PCIF1: variants seen among roughly 807,000 people sequenced by gnomAD.
PCIF1 encodes the protein phosphorylated CTD interacting factor 1.
Under a neutral mutation model 86.9 loss-of-function variants are expected in PCIF1, and 12 were observed. The ratio of observed to expected loss-of-function variants is 0.14; its 90% CI spans 0.09 to 0.22. The LOEUF (loss-of-function observed/expected upper bound fraction) is 0.22. Ranked by LOEUF, PCIF1 falls within the 10% of genes least tolerant of loss-of-function variation. The pLI is 1.00. For synonymous variants in PCIF1, 397 were observed against 372.0 expected, an observed-to-expected ratio of 1.07 and a Z score of -0.77; for missense variants, 701 against 951.1, an observed-to-expected ratio of 0.74 and a Z score of 3.46.
Position 45,940,627 on chromosome 20 carries a change from C to T in PCIF1, c.387+15C>T. On this transcript the variant is annotated intron_variant, in intron 5 of 16. Coordinates refer to ENST00000372409, the MANE Select transcript of PCIF1 (RefSeq NM_022104.4). Reference sequence around the variant, plus strand: ...AGAAGCCCAAGGTGAGTGTCTGTGGCCAGGAGCCGGCTGCCGAGCGGCCGG... The same window carrying T: ...AGAAGCCCAAGGTGAGTGTCTGTGGTCAGGAGCCGGCTGCCGAGCGGCCGG... 6.3e-7 allele frequency: 1 copy of T among 1,596,380 alleles called. No individual in the cohort carries two copies. Among genetic ancestry groups the T allele is most frequent in the Non-Finnish European group, 8.5e-7 (1 of 1,172,188 alleles).
chr20:45,935,058 C>T (rs1413633131), intron 1 of PCIF1, among the ~76,000 whole-genome samples: 2 of 151,870 alleles, frequency 1.3e-5, no homozygotes, highest in African/African-American at 2.4e-5. Context: ...GCCTTTGTGT[C>T]GGGCTCCGAC....
Position 45,940,840 on chromosome 20 carries a change from C to T in PCIF1, c.419C>T (p.Ser140Leu), listed in dbSNP as rs761620079. ...ATCCCAGTGACACCCACAGGCCAGT[C>T]GGTGCCCAGCTCCCCCAGTATCCCA... ...IEIPVTPTGQ[S>L]VPSSPSIPGT... The change falls in exon 6 of 17, where the codon TCG becomes TTG. Residue 140 changes from serine to leucine, a missense_variant. Physicochemically the swap from Ser to Leu is moderately radical, Grantham distance 145 (BLOSUM62 -2). This residue lies in a region of PCIF1 where 125 missense variants were observed against 126.8 expected (regional missense o/e 0.99). Transcript: ENST00000372409. 1.9e-5 allele frequency: 31 copies of T among 1,613,976 alleles called. No individual in the cohort carries two copies. Among genetic ancestry groups the T allele is most frequent in the Middle Eastern group, 1.7e-4 (1 of 6,060 alleles).
rs1200132226 is a variant in PCIF1, at chr20:45,947,118, C to T, written c.1659C>T (p.Asn553=). The change falls in exon 15 of 17, where the codon AAC becomes AAT. Residue 553 remains asparagine (N), a synonymous_variant. Coordinates refer to ENST00000372409, the MANE Select transcript of PCIF1 (RefSeq NM_022104.4). The surrounding 1 kb of genome is among the most constrained non-coding windows in gnomAD (Gnocchi z 5.4). ...FAPLSGSFEA[N]PPFCEELMDA... is the part of the protein sequence containing the mutation. The stretch of plus-strand genomic sequence containing the variant: ...CACTGAGTGGTTCATTTGAGGCCAA[C>T]CCTCCCTTCTGCGAGGAGCTCATGG... 6.2e-7 allele frequency: 1 copy of T among 1,613,696 alleles called. No homozygotes were observed. Among genetic ancestry groups the T allele is most frequent in the Non-Finnish European group, 8.5e-7 (1 of 1,179,666 alleles).
chr20:45,946,298 C>T lies in PCIF1; in HGVS notation c.1527C>T (p.Phe509=), dbSNP rs768051680. 3.5e-5 allele frequency: 57 copies of T among 1,614,054 alleles called. No homozygotes were observed. The highest frequency in any genetic ancestry group is 5.5e-5 in the South Asian group (5 of 91,094). The change falls in exon 14 of 17, where the codon TTC becomes TTT. Residue 509 remains phenylalanine, a synonymous_variant. Transcript: ENST00000372409. ...EALHRLFGVS[F]ECFASPLNCY... ...TCCACCGACTCTTTGGCGTCAGCTT[C>T]GAGTGCTTCGCCTCACCCCTCAACT...
At chr20:45,942,288 T>C (rs1036183023) in intron 7 of PCIF1, among the ~76,000 whole-genome samples, 12 of 150,424 alleles carry the variant, frequency 8.0e-5, no homozygotes, top group South Asian at 2.1e-4. Flanking sequence ...CTTTTTTTTT[T>C]TTTTTTTACA....
rs1433245669 is a variant in PCIF1 at position 45,943,968 on chromosome 20, A to C, written c.1005+203A>C. 6.6e-6 allele frequency among the ~76,000 whole-genome samples: 1 copy of C among 152,156 alleles called. No individual in the cohort carries two copies. Among genetic ancestry groups the C allele is most frequent in the African/African-American group, 2.4e-5 (1 of 41,448 alleles). On this transcript the variant is annotated intron_variant, in intron 10 of 16. Transcript: ENST00000372409. This position sits in a 1 kb window ranked among gnomAD's most constrained non-coding sequence, Gnocchi z 5.5. ...TGGGCTCCTGGCTTTCTCCCACAGA[A>C]CATTTCCATTAACAATCTTAATGGA...
intron 1 of PCIF1, among the ~76,000 whole-genome samples, chr20:45,935,064 C>T (rs1020718541): frequency 2.0e-5 from 3 of 151,796 alleles, no homozygotes; most frequent in African/African-American, 7.3e-5. Flanking sequence ...GTGTCGGGCT[C>T]CGACTCTGAG....
In PCIF1 at chr20:45,947,256, T is replaced by C. The variant is rs766595195; in HGVS notation, c.1708-7T>C. On this transcript the variant is annotated splice_polypyrimidine_tract_variant and splice_region_variant and intron_variant, in intron 15 of 16. Transcript: ENST00000372409. This position sits in a 1 kb window ranked among gnomAD's most constrained non-coding sequence, Gnocchi z 5.4. The stretch of plus-strand genomic sequence containing the variant: ...CCCTGACATCCACCCTGTGTCCCCT[T>C]CCACAGAGACTGCTTGAGAGCTCAC... 1.5e-5 allele frequency: 24 copies of C among 1,608,426 alleles called. No individual in the cohort carries two copies. The highest frequency in any genetic ancestry group is 2.0e-5 in the Non-Finnish European group (24 of 1,175,860).
At chr20:45,934,943 G>A (rs2083403881) in intron 1 of PCIF1, 139 bp downstream of exon 1, 1 of 395,764 alleles carries the variant, frequency 2.5e-6, no homozygotes, top group South Asian at 1.4e-4. Context: ...CGCCATCTTA[G>A]ACCCGCGGGT....
At chr20:45,944,428 C>G (rs1393253231) in intron 10 of PCIF1, among the ~76,000 whole-genome samples, 2 of 152,180 alleles carry the variant, frequency 1.3e-5, no homozygotes, top group Non-Finnish European at 2.9e-5. Context: ...TAGCTAAAAG[C>G]TCAAATCTCA....
chr20:45,939,817 G>C (rs1206232650), intron 4 of PCIF1, among the ~76,000 whole-genome samples: 1 of 152,206 alleles, frequency 6.6e-6, no homozygotes, highest in African/African-American at 2.4e-5. Flanking sequence ...AGTACGACGG[G>C]AAGTACAGGC....
chr20:45,945,666 G>T (rs371281983), intron 11 of PCIF1, 45 bp from the exon 12 acceptor site: 6 of 1,593,398 alleles, frequency 3.8e-6, no homozygotes, highest in Non-Finnish European at 5.1e-6. Context: ...TGGCTGCAGC[G>T]TGAGAATGAG....
At chr20:45,939,667 G>C (rs1178501252) in intron 4 of PCIF1, among the ~76,000 whole-genome samples, 1 of 152,214 alleles carries the variant, frequency 6.6e-6, no homozygotes, top group East Asian at 1.9e-4. Context: ...CCGTGTATGA[G>C]GAATAGTGTT....
At chr20:45,940,673 G>A in intron 5 of PCIF1, 61 bp downstream of exon 5, 1 of 1,575,796 alleles carries the variant, frequency 6.3e-7, no homozygotes, top group Non-Finnish European at 8.6e-7. Flanking sequence ...CCGCCTGCAG[G>A]CTCCCTGCAG....
At chr20:45,946,885 G>A (rs138628936) in intron 14 of PCIF1, among the ~76,000 whole-genome samples, 188 bp from the exon 15 acceptor site, 217 of 152,346 alleles carry the variant, frequency 1.4e-3, no homozygotes, top group Non-Finnish European at 2.5e-3. Context: ...CCCAGCCTGA[G>A]CCTCACTCAC....
In PCIF1 at chr20:45,943,250, G is replaced by A; in HGVS notation, c.821+6G>A. On this transcript the variant is annotated splice_donor_region_variant and intron_variant, in intron 8 of 16. Coordinates refer to ENST00000372409, the MANE Select transcript of PCIF1 (RefSeq NM_022104.4). The surrounding 1 kb of genome is among the most constrained non-coding windows in gnomAD (Gnocchi z 5.5). ...ATGAACGACATTCCTATCAGGTACA[G>A]CTCCACAGCTGGGGATGACCCTGGG... 1 of 1,614,208 alleles carries A rather than the reference G, an allele frequency of 6.2e-7. No homozygotes were observed. The highest frequency in any genetic ancestry group is 1.1e-5 in the South Asian group (1 of 91,088).
chr20:45,940,537 C>G lies in PCIF1; in HGVS notation c.312C>G (p.Pro104=). The change falls in exon 5 of 17, where the codon CCC becomes CCG. Residue 104 remains proline (P), a synonymous_variant. Coordinates refer to ENST00000372409, the MANE Select transcript of PCIF1 (RefSeq NM_022104.4). ...AAGACTCAAGCTTGGTGGAAACTCC[C>G]CCGGCTGAGAACAAGCCCAGAAAGC... The part of the protein sequence containing the change: ...LPQDSSLVET[P]PAENKPRKRQ... 1 of 1,608,362 alleles carries G rather than the reference C, an allele frequency of 6.2e-7. No homozygotes were observed.
intron 7 of PCIF1, among the ~76,000 whole-genome samples, chr20:45,942,779 T>C (rs1244985176): frequency 1.4e-5 from 2 of 138,734 alleles, no homozygotes; most frequent in Admixed American, 7.1e-5. Context: ...TTTTTTTTTT[T>C]TTTTTTTTTT....
chr20:45,940,890 G>A lies in PCIF1; in HGVS notation c.469G>A (p.Gly157Ser). ...IPGTPTLKMW[G>S]TSPEDKQQAA... ...AGGAACCCCAACGCTGAAGATGTGG[G>A]GTACGTCCCCTGAAGATAAACAGCA... Residue 157 changes from glycine (G) to serine (S), a missense_variant, in exon 6 of 17, where the codon GGT becomes AGT. Physicochemically the swap from Gly to Ser is moderately conservative, Grantham distance 56 (BLOSUM62 0). Coordinates refer to ENST00000372409, the MANE Select transcript of PCIF1 (RefSeq NM_022104.4). The A allele has an allele frequency of 6.2e-7, 1 of 1,614,156 alleles. No homozygotes were observed. Among genetic ancestry groups the A allele is most frequent in the East Asian group, 2.2e-5 (1 of 44,888 alleles).
Sources: allele counts gnomAD v4.1 joint callset (sites outside exome capture counted in the v4.1 genomes callset), GRCh38; gene constraint gnomAD v4.1.1; regional missense constraint gnomAD v4.1.1; non-coding constraint Gnocchi (gnomAD v3.1); transcripts MANE v1.5; gene names NCBI Gene and HGNC (gene_info 2026-07-23, HGNC 2026-07-21).